Variants in KATNIP observed in about 807,000 individuals in gnomAD.
KATNIP encodes the protein katanin interacting protein.
Under a neutral mutation model 174.0 loss-of-function variants are expected in KATNIP, and 126 were observed. The observed-to-expected ratio is 0.72, with a 90% CI of 0.63 to 0.84. KATNIP has a LOEUF of 0.84. KATNIP is among the 40% of genes least tolerant of loss of function. The pLI is 0.00. For missense variants in KATNIP, 1,958 were observed against 2,109.7 expected, an observed-to-expected ratio of 0.93 and a Z score of 1.41; for synonymous variants, 810 against 835.7, an observed-to-expected ratio of 0.97 and a Z score of 0.53.
chr16:27,665,542 G>A (rs2077650726), intron 6 of KATNIP, among the ~76,000 whole-genome samples: 1 of 151,868 alleles, frequency 6.6e-6, no homozygotes, highest in Non-Finnish European at 1.5e-5. Flanking sequence ...TAAATTACCT[G>A]GTCTCAGGTA....
intron 6 of KATNIP, among the ~76,000 whole-genome samples, chr16:27,662,379 A>G (rs959732917): frequency 6.6e-6 from 1 of 152,044 alleles, no homozygotes; most frequent in Non-Finnish European, 1.5e-5. Flanking sequence ...TCTCCTTGAC[A>G]GTGGCTCTTG....
intron 2 of KATNIP, among the ~76,000 whole-genome samples, chr16:27,592,331 TG>T (rs1359383060): frequency 8.0e-6 from 1 of 124,742 alleles, no homozygotes; most frequent in African/African-American, 3.0e-5. Context: ...TTGCCCAGGC[TG>T]GAGTGCAATG....
Position 27,742,985 on chromosome 16 carries a change from A to G in KATNIP, c.2623+2065A>G, listed in dbSNP as rs568807758. On this transcript the variant is annotated intron_variant, in intron 15 of 27. Coordinates refer to ENST00000261588, the MANE Select transcript of KATNIP (RefSeq NM_015202.5). ...GTATTAAGGCCAGCATGCATTAGCT[A>G]TTTTTCCTAATGCTCTCCCTCCTCC... 9.2e-5 allele frequency among the ~76,000 whole-genome samples: 14 copies of G among 151,932 alleles called. No individual in the cohort carries two copies. In the South Asian group the frequency reaches 2.9e-3, roughly 32 times the overall value.
At chr16:27,603,637 T>A (rs1207187416) in intron 2 of KATNIP, among the ~76,000 whole-genome samples, 1 of 151,960 alleles carries the variant, frequency 6.6e-6, no homozygotes, top group Non-Finnish European at 1.5e-5. Flanking sequence ...AGATGGCATC[T>A]CACTATGACG....
intron 2 of KATNIP, among the ~76,000 whole-genome samples, chr16:27,584,617 C>G (rs2090822167): frequency 6.6e-6 from 1 of 152,030 alleles, no homozygotes; most frequent in African/African-American, 2.4e-5. Flanking sequence ...ATGGCAAAAC[C>G]CTGTCTCTAC....
intron 18 of KATNIP, 93 bp downstream of exon 18, chr16:27,754,344 A>G: frequency 9.3e-7 from 1 of 1,078,376 alleles, no homozygotes; most frequent in Non-Finnish European, 1.4e-6. Flanking sequence ...TTCGCTGGAC[A>G]ATCGGGTGGG....
At chr16:27,622,537 G>T (rs1034341034) in intron 3 of KATNIP, among the ~76,000 whole-genome samples, 1 of 152,174 alleles carries the variant, frequency 6.6e-6, no homozygotes, top group African/African-American at 2.4e-5. Context: ...ATCTGAAGAG[G>T]TGACAGCAGA....
At position 27,777,717 on chromosome 16, in the gene KATNIP, C is replaced by G; in HGVS notation, c.4659C>G (p.Ile1553Met). 1 of 1,614,166 alleles carries G rather than the reference C, an allele frequency of 6.2e-7. No individual in the cohort carries two copies. Among genetic ancestry groups the G allele is most frequent in the Non-Finnish European group, 8.5e-7 (1 of 1,180,030 alleles). The change falls in exon 26 of 28, where the codon ATC (isoleucine) becomes ATG (methionine). Residue 1553 changes from isoleucine to methionine, a missense_variant. Ile to Met is a conservative substitution (Grantham distance 10). Transcript: ENST00000261588. The surrounding 1 kb of genome is among the most constrained non-coding windows in gnomAD (Gnocchi z 4.4). ...AGCCCACCGTGCCCTACCACACCAT[C>G]CTCTTCACCGAGGACAGGGACATCC... ...TCEPTVPYHT[I>M]LFTEDRDIRH...
intron 18 of KATNIP, chr16:27,755,461 T>TC (rs2081685550): frequency 6.6e-6 from 1 of 152,210 alleles, no homozygotes; most frequent in African/African-American, 2.4e-5. Flanking sequence ...GAGAAGCTGG[T>TC]CTGCGGTTCA....
intron 5 of KATNIP, among the ~76,000 whole-genome samples, chr16:27,647,604 C>G (rs1237037620): frequency 6.6e-6 from 1 of 151,798 alleles, no homozygotes; most frequent in Non-Finnish European, 1.5e-5. Flanking sequence ...CTCCCGGGTT[C>G]AAGCGATTCT....
chr16:27,568,367 G>A (rs962858100), intron 1 of KATNIP, among the ~76,000 whole-genome samples: 1 of 152,210 alleles, frequency 6.6e-6, no homozygotes, highest in Admixed American at 6.5e-5. Flanking sequence ...ATGTCTTCAC[G>A]GCTGATTCCT....
chr16:27,573,759 A>G, intron 1 of KATNIP, 142 bp from the exon 2 acceptor site: 2 of 726,934 alleles, frequency 2.8e-6, no homozygotes, highest in Non-Finnish European at 4.6e-6. Context: ...TTTTCCCATT[A>G]TAATAATAGG....
chr16:27,588,701 T>C (rs574536852), intron 2 of KATNIP, among the ~76,000 whole-genome samples: 2 of 152,172 alleles, frequency 1.3e-5, no homozygotes, highest in South Asian at 4.2e-4. Context: ...CTCGGAAAAA[T>C]TAAATCGCAA....
chr16:27,705,208 G>A (rs1281167872), intron 12 of KATNIP, among the ~76,000 whole-genome samples: 1 of 152,110 alleles, frequency 6.6e-6, no homozygotes, highest in Admixed American at 6.5e-5. Context: ...ACCACACCCA[G>A]CCTCCATTTT....
intron 6 of KATNIP, among the ~76,000 whole-genome samples, chr16:27,670,720 G>A (rs566978828): frequency 4.5e-4 from 68 of 152,176 alleles, no homozygotes; most frequent in Non-Finnish European, 5.1e-4. Flanking sequence ...ACCATTCCCC[G>A]CCACTCCTCT....
chr16:27,707,554 C>T (rs969891028), intron 12 of KATNIP, among the ~76,000 whole-genome samples: 3 of 152,260 alleles, frequency 2.0e-5, no homozygotes, highest in African/African-American at 7.2e-5. Context: ...GTGTCATGTC[C>T]TCTTCCCCAA....
chr16:27,776,853 G>A lies in KATNIP; in HGVS notation c.4450-75G>A, dbSNP rs889410110. ...GGCACCACCGCTCACCCCAGCCCACGCCTGGCACCCCCAGCCCAGCCAAGC... is the reference window on the plus strand; with the variant it reads ...GGCACCACCGCTCACCCCAGCCCACACCTGGCACCCCCAGCCCAGCCAAGC... On this transcript the variant is annotated intron_variant, in intron 24 of 27. Coordinates refer to ENST00000261588, the MANE Select transcript of KATNIP (RefSeq NM_015202.5). The surrounding 1 kb of genome is among the most constrained non-coding windows in gnomAD (Gnocchi z 4.7). 4.6e-6 allele frequency: 5 copies of A among 1,098,040 alleles called. No homozygotes were observed. The highest frequency in any genetic ancestry group is 4.8e-5 in the East Asian group (2 of 41,946). 68.0% of individuals were successfully genotyped at this position (1,098,040 alleles called of 1,614,324 possible).
chr16:27,738,881 G>A (rs2080998391), intron 14 of KATNIP, among the ~76,000 whole-genome samples: 2 of 152,178 alleles, frequency 1.3e-5, no homozygotes, highest in South Asian at 2.1e-4. Context: ...CACTCAGCTC[G>A]TGCATGTGTT....
chr16:27,762,751 C>T (rs748920159), intron 19 of KATNIP, among the ~76,000 whole-genome samples: 6 of 152,196 alleles, frequency 3.9e-5, no homozygotes, highest in Non-Finnish European at 7.3e-5. Flanking sequence ...TCATTAACTG[C>T]TCATGGGCCC....
Sources: allele counts gnomAD v4.1 joint callset (sites outside exome capture counted in the v4.1 genomes callset), GRCh38; gene constraint gnomAD v4.1.1; non-coding constraint Gnocchi (gnomAD v3.1); transcripts MANE v1.5; gene names NCBI Gene and HGNC (gene_info 2026-07-23, HGNC 2026-07-21).